The following CUL3 variants were observed in gnomAD, a reference collection of about 807,000 sequenced individuals.
The protein encoded by CUL3 is cullin-3.
CUL3 carries 19 observed loss-of-function variants against 89.1 expected under a neutral mutation model. That is an observed-to-expected ratio of 0.21 (90% confidence interval 0.15 to 0.31). The LOEUF is 0.31. CUL3 is among the 10% of genes least tolerant of loss of function. CUL3 has a pLI of 1.00. For synonymous variants in CUL3, 351 were observed against 308.4 expected (o/e 1.14, Z -1.45); for missense variants, 469 against 942.3 (o/e 0.50, Z 6.58).
chr2:224,581,267 CG>C (rs1695430191), intron 1 of CUL3, among the ~76,000 whole-genome samples: 1 of 151,680 alleles, frequency 6.6e-6, no homozygotes, highest in African/African-American at 2.4e-5. Flanking sequence ...TGGTGGCACA[CG>C]CCTGTAATCC....
chr2:224,524,918 C>T (rs1693412057), intron 3 of CUL3, among the ~76,000 whole-genome samples: 2 of 151,484 alleles, frequency 1.3e-5, no homozygotes, highest in African/African-American at 4.9e-5. Flanking sequence ...AAAAACTAAT[C>T]TAATGCATAT....
rs781259483 is a variant in CUL3, at chr2:224,473,794, A to G, written c.*451T>C. The G allele has an allele frequency of 6.7e-5, 13 of 194,544 alleles. No homozygotes were observed. Among genetic ancestry groups the G allele is most frequent in the South Asian group, 1.9e-4 (1 of 5,190 alleles). The allele number at this position is 194,544 out of a possible 1,614,324, so 12.1% of individuals were successfully genotyped here. On this transcript the variant is annotated 3_prime_UTR_variant, in exon 16 of 16. Transcript: ENST00000264414. The stretch of plus-strand genomic sequence containing the variant: ...GCTAAAGAAATGTCTTCAGAGCAAG[A>G]TAACTGGGAAATCTGCATTTCTTTT...
At chr2:224,491,137 T>C (rs1000533011) in intron 13 of CUL3, among the ~76,000 whole-genome samples, 1 of 152,230 alleles carries the variant, frequency 6.6e-6, no homozygotes, top group African/African-American at 2.4e-5. Context: ...AGATGAATTA[T>C]GGAATCAGCT....
intron 15 of CUL3, 33 bp from the exon 16 acceptor site, chr2:224,474,409 AAC>A (rs1176318152): frequency 6.3e-7 from 1 of 1,585,756 alleles, no homozygotes; most frequent in Non-Finnish European, 8.6e-7. Flanking sequence ...TTTTTATATA[AAC>A]ACATAAAAAT....
chr2:224,483,198 TAC>T (rs1349220698), intron 13 of CUL3, among the ~76,000 whole-genome samples: 1 of 152,230 alleles, frequency 6.6e-6, no homozygotes. Context: ...TGTTTATTAT[TAC>T]ATACATGCTA....
chr2:224,513,756 C>A, intron 4 of CUL3, 118 bp from the exon 5 acceptor site: 1 of 662,040 alleles, frequency 1.5e-6, no homozygotes, highest in Non-Finnish European at 2.5e-6. Flanking sequence ...CTGAAGTGAC[C>A]AATCTCCAAT....
At chr2:224,552,134 A>G (rs1559213182) in intron 2 of CUL3, among the ~76,000 whole-genome samples, 1 of 152,244 alleles carries the variant, frequency 6.6e-6, no homozygotes, top group African/African-American at 2.4e-5. Context: ...GAAAAGTCTT[A>G]CAGGATACCT....
At chr2:224,532,111 T>A (rs1021396783) in intron 3 of CUL3, among the ~76,000 whole-genome samples, 2 of 152,230 alleles carry the variant, frequency 1.3e-5, no homozygotes, top group African/African-American at 4.8e-5. Context: ...ATGCCAAGTT[T>A]GAAGTACTTC....
intron 2 of CUL3, among the ~76,000 whole-genome samples, chr2:224,546,733 A>C (rs1198905361): frequency 6.6e-6 from 1 of 152,142 alleles, no homozygotes; most frequent in Non-Finnish European, 1.5e-5. Context: ...CTGATACTTA[A>C]CATGGGCAAA....
At chr2:224,477,749 T>C (rs980707282) in intron 15 of CUL3, among the ~76,000 whole-genome samples, 2 of 152,218 alleles carry the variant, frequency 1.3e-5, no homozygotes, top group African/African-American at 2.4e-5. Context: ...TTCCCAATTA[T>C]CTTGATTCAG....
intron 3 of CUL3, among the ~76,000 whole-genome samples, chr2:224,528,316 C>G (rs562882265): frequency 2.0e-5 from 3 of 152,134 alleles, no homozygotes; most frequent in African/African-American, 7.2e-5. Flanking sequence ...CAAAGTCCAT[C>G]ACTCCAGTCT....
At chr2:224,539,606 G>C (rs1694020395) in intron 2 of CUL3, among the ~76,000 whole-genome samples, 1 of 152,172 alleles carries the variant, frequency 6.6e-6, no homozygotes, top group Non-Finnish European at 1.5e-5. Context: ...TTAGAAAATG[G>C]AATATTACTC....
intron 2 of CUL3, among the ~76,000 whole-genome samples, chr2:224,554,879 A>G (rs1242505069): frequency 6.6e-6 from 1 of 152,184 alleles, no homozygotes; most frequent in Non-Finnish European, 1.5e-5. Context: ...AGCTTTAAAC[A>G]AAACTCTTCC....
In CUL3 at chr2:224,544,571, CTT is replaced by C. The variant is rs563696220; in HGVS notation, c.265-8932_265-8931del. 1.4e-4 allele frequency among the ~76,000 whole-genome samples: 21 copies of C among 151,842 alleles called. No homozygotes were observed. In the East Asian group the frequency reaches 4.1e-3, roughly 29 times the overall value. ...CATTTAAATTTCCACTTAAAACATA[CTT>C]TTTTCAGTCCTGCATTAATCACATG... On this transcript the variant is annotated intron_variant, in intron 2 of 15. Transcript: ENST00000264414.
At chr2:224,494,326 CTT>C (rs568385779) in intron 13 of CUL3, among the ~76,000 whole-genome samples, 15 of 152,050 alleles carry the variant, frequency 9.9e-5, no homozygotes, top group African/African-American at 3.6e-4. Context: ...TAAATTTAAA[CTT>C]AATGTGAATC....
intron 1 of CUL3, among the ~76,000 whole-genome samples, chr2:224,565,057 T>C (rs190059633): frequency 3.2e-3 from 494 of 152,258 alleles, no homozygotes; most frequent in African/African-American, 6.9e-3. Context: ...CACTGAACCA[T>C]GTGAGAGTTA....
chr2:224,480,789 T>A (rs1691510522), intron 14 of CUL3, among the ~76,000 whole-genome samples: 1 of 152,172 alleles, frequency 6.6e-6, no homozygotes, highest in South Asian at 2.1e-4. Context: ...AAAGTAGTTA[T>A]GTCTTGCATT....
intron 3 of CUL3, among the ~76,000 whole-genome samples, chr2:224,531,608 T>C (rs947006219): frequency 6.6e-6 from 1 of 152,090 alleles, no homozygotes; most frequent in Non-Finnish European, 1.5e-5. Flanking sequence ...GGTTAATGAC[T>C]GTGATAAATG....
chr2:224,490,853 A>G (rs1691945078), intron 13 of CUL3, among the ~76,000 whole-genome samples: 1 of 152,214 alleles, frequency 6.6e-6, no homozygotes. Flanking sequence ...AACAGAGAAT[A>G]CAACCGGAAT....
Sources: allele counts gnomAD v4.1 joint callset (sites outside exome capture counted in the v4.1 genomes callset), GRCh38; gene constraint gnomAD v4.1.1; transcripts MANE v1.5; gene names NCBI Gene and HGNC (gene_info 2026-07-23, HGNC 2026-07-21).